The following VIL1 variants were observed in gnomAD, a reference collection of about 807,000 sequenced individuals.
VIL1 encodes villin 1.
In VIL1, 86 loss-of-function variants were observed where a neutral mutation model predicts 104.0. That is an observed-to-expected ratio of 0.83 (90% CI 0.69 to 0.99). The LOEUF (loss-of-function observed/expected upper bound fraction) is 0.99, where lower values mean the gene tolerates loss of function less well. Ranked by LOEUF, VIL1 falls within the 50% of genes least tolerant of loss-of-function variation. The pLI is 0.00. For missense variants in VIL1, 944 were observed against 1,054.1 expected, an observed-to-expected ratio of 0.90 and a Z score of 1.45; for synonymous variants, 394 against 412.6, an observed-to-expected ratio of 0.95 and a Z score of 0.55.
chr2:218,435,165 C>A, intron 14 of VIL1, 124 bp from the exon 15 acceptor site: 1 of 1,288,044 alleles, frequency 7.8e-7, no homozygotes, highest in Non-Finnish European at 1.1e-6. Context: ...CCCTGTGTGG[C>A]CTGTATACAC....
intron 2 of VIL1, 81 bp from the exon 3 acceptor site, chr2:218,424,196 C>T: frequency 7.7e-7 from 1 of 1,290,524 alleles, no homozygotes; most frequent in Non-Finnish European, 1.1e-6. Flanking sequence ...TCTCCGACGC[C>T]TCCTCCCCTT....
Position 218,429,788 on chromosome 2 carries a change from G to A in VIL1, c.850-61G>A, listed in dbSNP as rs541521438. ...CTGGGAGGGAGAGACTTTTTTGTGTGTGAGGCTTTCCCAGTCCAGCACCTC... is the reference window on the plus strand; with the variant it reads ...CTGGGAGGGAGAGACTTTTTTGTGTATGAGGCTTTCCCAGTCCAGCACCTC... On this transcript the variant is annotated intron_variant, in intron 8 of 19. Coordinates refer to ENST00000248444, the MANE Select transcript of VIL1 (RefSeq NM_007127.3). The A allele has an allele frequency of 1.9e-6, 3 of 1,590,542 alleles. No homozygotes were observed. The Admixed American group carries it at 5.1e-5, about 27-fold the overall frequency.
In VIL1 at chr2:218,436,572, C is replaced by T; in HGVS notation, c.1917C>T (p.Phe639=). Residue 639 remains phenylalanine, a synonymous_variant, in exon 16 of 20, where the codon TTC becomes TTT. Coordinates refer to ENST00000248444, the MANE Select transcript of VIL1 (RefSeq NM_007127.3). ...TCCTGGCCACAGAGATCCCTGACTT[C>T]AATCAGGATGACTTGGAAGAGGATG... The part of the protein sequence containing the change: ...GRFLATEIPD[F]NQDDLEEDDV... The T allele has an allele frequency of 6.2e-7, 1 of 1,614,064 alleles. No homozygotes were observed. Among genetic ancestry groups the T allele is most frequent in the Non-Finnish European group, 8.5e-7 (1 of 1,180,032 alleles).
intron 10 of VIL1, chr2:218,431,286 G>A (rs982230116): frequency 1.3e-5 from 4 of 303,592 alleles, no homozygotes; most frequent in South Asian, 1.1e-4. Context: ...AGGAGGCAGA[G>A]GCTGCAGTGA....
chr2:218,422,652 G>C (rs536508264), intron 1 of VIL1, among the ~76,000 whole-genome samples: 15 of 152,342 alleles, frequency 9.8e-5, no homozygotes, highest in African/African-American at 3.4e-4. Flanking sequence ...AAGTCACTAA[G>C]AGGTGACTCA....
intron 8 of VIL1, 43 bp downstream of exon 8, chr2:218,429,718 C>T (rs757942243): frequency 2.0e-5 from 32 of 1,611,758 alleles, no homozygotes; most frequent in Non-Finnish European, 2.4e-5. Context: ...CAGCCTGGCC[C>T]CCTTTCCCTC....
rs199747933 is a variant in VIL1, at chr2:218,437,279, C to A, written c.2127C>A (p.Gly709=). The A allele has an allele frequency of 1.2e-6, 2 of 1,614,148 alleles. No homozygotes were observed. Among genetic ancestry groups the A allele is most frequent in the East Asian group, 4.5e-5 (2 of 44,892 alleles). Residue 709 remains glycine, a synonymous_variant, in exon 17 of 20, where the codon GGC becomes GGA. Coordinates refer to ENST00000248444, the MANE Select transcript of VIL1 (RefSeq NM_007127.3). ...GACACGAGCCCCCCACCTTCACAGGCTGGTTCCTGGCTTGGGATCCCTTCA... is the reference window on the plus strand; with the variant it reads ...GACACGAGCCCCCCACCTTCACAGGATGGTTCCTGGCTTGGGATCCCTTCA... The part of the protein sequence containing the change: ...KQGHEPPTFT[G]WFLAWDPFKW...
intron 3 of VIL1, 141 bp from the exon 4 acceptor site, chr2:218,425,474 G>T: frequency 1.4e-6 from 1 of 724,874 alleles, no homozygotes; most frequent in Non-Finnish European, 2.3e-6. Flanking sequence ...ATGACTCAGG[G>T]CTCCTAACCG....
chr2:218,450,695 C>G lies in VIL1; in HGVS notation c.*1359C>G, dbSNP rs971836713. 1.3e-5 allele frequency: 2 copies of G among 152,256 alleles called. No homozygotes were observed. Among genetic ancestry groups the G allele is most frequent in the African/African-American group, 4.8e-5 (2 of 41,450 alleles). 9.4% of individuals were successfully genotyped at this position (152,256 alleles called of 1,614,324 possible). A position where few individuals can be genotyped will look rare whatever the true frequency, so the allele number is the denominator to read the frequency against. On this transcript the variant is annotated 3_prime_UTR_variant, in exon 20 of 20. Coordinates refer to ENST00000248444, the MANE Select transcript of VIL1 (RefSeq NM_007127.3). ...TTTTGAAGTAGACCAGTTTAGTTGA[C>G]TGTTCTTCTTTGTTCTGGCATCTGA...
At chr2:218,437,057 C>T (rs1272933346) in intron 16 of VIL1, 67 bp from the exon 17 acceptor site, 3 of 1,562,302 alleles carry the variant, frequency 1.9e-6, no homozygotes, top group Admixed American at 1.8e-5. Context: ...TGTTGGACAA[C>T]TGAGGCAGAG....
Position 218,451,588 on chromosome 2 carries a change from ATG to A in VIL1, c.*2258_*2259del, listed in dbSNP as rs1689480759. On this transcript the variant is annotated 3_prime_UTR_variant, in exon 20 of 20. Transcript: ENST00000248444. ...TAATTTTCATTATATCCGTAGCTGT[ATG>A]TGTGTATAGTTACATAATGGTAACT... The A allele has an allele frequency of 6.9e-6, 1 of 144,838 alleles. No individual in the cohort carries two copies. 9.0% of individuals were successfully genotyped at this position (144,838 alleles called of 1,614,324 possible). A position where few individuals can be genotyped will look rare whatever the true frequency, so the allele number is the denominator to read the frequency against.
At chr2:218,438,145 G>A (rs888444699) in intron 17 of VIL1, among the ~76,000 whole-genome samples, 1 of 151,162 alleles carries the variant, frequency 6.6e-6, no homozygotes, top group Non-Finnish European at 1.5e-5. Flanking sequence ...GTGTGTGCTG[G>A]CTTCTCTCTC....
Position 218,434,632 on chromosome 2 carries a change from G to C in VIL1, c.1607G>C (p.Arg536Pro). The change falls in exon 14 of 20, where the codon CGG becomes CCG. Residue 536 changes from arginine (R) to proline (P), a missense_variant. Arg to Pro is a moderately radical substitution (Grantham distance 103). Coordinates refer to ENST00000248444, the MANE Select transcript of VIL1 (RefSeq NM_007127.3). ...ACCAAGGCCTTTGAGGTCCCAGCGC[G>C]GGCCAATTTCCTCAATTCCAATGAT... ...NNTKAFEVPA[R>P]ANFLNSNDVF... The C allele has an allele frequency of 6.2e-7, 1 of 1,614,116 alleles. No individual in the cohort carries two copies. Among genetic ancestry groups the C allele is most frequent in the East Asian group, 2.2e-5 (1 of 44,878 alleles).
chr2:218,425,496 C>A, intron 3 of VIL1, 119 bp from the exon 4 acceptor site: 2 of 977,882 alleles, frequency 2.0e-6, no homozygotes, highest in Non-Finnish European at 3.1e-6. Context: ...CAGCCTAGTG[C>A]ACTTGCCCTG....
chr2:218,429,844 T>C lies in VIL1; in HGVS notation c.850-5T>C. ...CCATCAGACTCTTACCTCTCCCGAC[T>C]CTAGGACTGTTACATCCTGGACCAG... On this transcript the variant is annotated splice_polypyrimidine_tract_variant and splice_region_variant and intron_variant, in intron 8 of 19. Coordinates refer to ENST00000248444, the MANE Select transcript of VIL1 (RefSeq NM_007127.3). 1 of 1,613,200 alleles carries C rather than the reference T, an allele frequency of 6.2e-7. No individual in the cohort carries two copies. Among genetic ancestry groups the C allele is most frequent in the Admixed American group, 1.7e-5 (1 of 59,964 alleles).
At chr2:218,434,447 T>TA (rs1689152068) in intron 13 of VIL1, 79 bp from the exon 14 acceptor site, 1 of 1,394,350 alleles carries the variant, frequency 7.2e-7, no homozygotes, top group African/African-American at 1.4e-5. Context: ...CGCCCTACCC[T>TA]ATCCCCCTCT....
chr2:218,428,325 GGAGA>G lies in VIL1; in HGVS notation c.558_561del (p.Glu186AspfsTer5). ...GGAATGGACCGGAAAGCACCCGTAT[GGAGA>G]GACTCAGGGTAAACCTGCCCATGCA... On this transcript the variant is annotated frameshift_variant, in exon 6 of 20. Transcript: ENST00000248444. LOFTEE classifies it high-confidence loss of function. 6.2e-7 allele frequency: 1 copy of G among 1,614,134 alleles called. No homozygotes were observed. Among genetic ancestry groups the G allele is most frequent in the South Asian group, 1.1e-5 (1 of 91,086 alleles).
At chr2:218,423,439 T>C (rs1167395718) in intron 1 of VIL1, among the ~76,000 whole-genome samples, 1 of 151,870 alleles carries the variant, frequency 6.6e-6, no homozygotes, top group Non-Finnish European at 1.5e-5. Context: ...AGGGCTGACA[T>C]GAGGAGAAAA....
intron 4 of VIL1, among the ~76,000 whole-genome samples, chr2:218,426,340 C>T (rs1014007407): frequency 6.6e-6 from 1 of 151,704 alleles, no homozygotes; most frequent in South Asian, 2.1e-4. Flanking sequence ...CTGCAAACTC[C>T]GCCTCCTGGG....
Sources: allele counts gnomAD v4.1 joint callset (sites outside exome capture counted in the v4.1 genomes callset), GRCh38; gene constraint gnomAD v4.1.1; transcripts MANE v1.5; gene names NCBI Gene and HGNC (gene_info 2026-07-23, HGNC 2026-07-21).